DCC: variants seen among roughly 807,000 people sequenced by gnomAD.
The protein encoded by DCC is netrin receptor DCC.
A neutral mutation model predicts 172.5 loss-of-function variants in DCC; 58 were observed. That is an observed-to-expected ratio of 0.34 (90% CI 0.27 to 0.42). The LOEUF (loss-of-function observed/expected upper bound fraction) is 0.42. DCC is among the 10% of genes least tolerant of loss of function. The pLI is 1.00. For missense variants in DCC, 1,740 were observed against 1,791.0 expected (o/e 0.97, Z 0.51); for synonymous variants, 709 against 644.5 (o/e 1.10, Z -1.52).
intron 1 of DCC, among the ~76,000 whole-genome samples, chr18:52,664,470 C>CTTTTTTT (rs74178680): frequency 0.011 from 1,064 of 99,696 alleles, 12 homozygotes; most frequent in Non-Finnish European, 0.012. Context: ...TTTTCTTTTT[C>CTTTTTTT]TTTTTCTTTT....
chr18:52,720,411 T>A (rs1035191842), intron 1 of DCC, among the ~76,000 whole-genome samples: 1 of 152,236 alleles, frequency 6.6e-6, no homozygotes, highest in Non-Finnish European at 1.5e-5. Context: ...CAGATGAGCA[T>A]GTGCTAACAT....
At chr18:52,871,541 G>A (rs942195800) in intron 2 of DCC, among the ~76,000 whole-genome samples, 24 of 152,188 alleles carry the variant, frequency 1.6e-4, no homozygotes, top group African/African-American at 5.1e-4. Flanking sequence ...ATAGTTCACT[G>A]CCACCTTGAA....
At chr18:52,609,081 T>C (rs2034196171) in intron 1 of DCC, among the ~76,000 whole-genome samples, 1 of 152,188 alleles carries the variant, frequency 6.6e-6, no homozygotes, top group South Asian at 2.1e-4. Context: ...GACATATTAC[T>C]TGTAAATGTA....
chr18:52,696,156 A>G (rs896563042), intron 1 of DCC, among the ~76,000 whole-genome samples: 4 of 152,230 alleles, frequency 2.6e-5, no homozygotes, highest in African/African-American at 9.6e-5. Context: ...TTTAATGAAT[A>G]TGGTCTTTAA....
intron 5 of DCC, among the ~76,000 whole-genome samples, chr18:53,038,240 A>G (rs2042121728): frequency 6.6e-6 from 1 of 152,018 alleles, no homozygotes; most frequent in Non-Finnish European, 1.5e-5. Context: ...TTGATATTTG[A>G]TACCTTAGAA....
At chr18:53,041,380 GT>G (rs1425161767) in intron 5 of DCC, among the ~76,000 whole-genome samples, 5 of 152,036 alleles carry the variant, frequency 3.3e-5, no homozygotes, top group African/African-American at 1.2e-4. Context: ...TTATATATCT[GT>G]TTTGGTACCA....
At chr18:52,442,922 C>T (rs368578762) in intron 1 of DCC, among the ~76,000 whole-genome samples, 9 of 152,188 alleles carry the variant, frequency 5.9e-5, no homozygotes, top group African/African-American at 2.2e-4. Flanking sequence ...CTCCAACCCC[C>T]ACATGAAGAG....
intron 21 of DCC, among the ~76,000 whole-genome samples, chr18:53,425,633 A>G (rs1910886175): frequency 6.6e-6 from 1 of 151,992 alleles, no homozygotes. Flanking sequence ...AAGTGCTGGG[A>G]TTACAGGAAT....
chr18:53,305,871 T>G (rs1284687491), intron 13 of DCC, 152 bp downstream of exon 13: 2 of 738,422 alleles, frequency 2.7e-6, no homozygotes, highest in African/African-American at 3.5e-5. Context: ...CCTTTATATT[T>G]TTAACTTTAC....
chr18:52,739,514 G>C (rs558138494), intron 1 of DCC, among the ~76,000 whole-genome samples: 1 of 152,274 alleles, frequency 6.6e-6, no homozygotes, highest in Admixed American at 6.5e-5. Context: ...AGGAAGATCA[G>C]AGCCACAAGA....
chr18:52,540,597 CTTTTTTTTTTTT>C (rs71175505), intron 1 of DCC, among the ~76,000 whole-genome samples: 64 of 67,482 alleles, frequency 9.5e-4, no homozygotes, highest in Non-Finnish European at 1.3e-3. Flanking sequence ...ATTCAACTGC[CTTTTTTTTTTTT>C]TTTTTTTTTT....
chr18:52,569,232 G>A (rs563809681), intron 1 of DCC, among the ~76,000 whole-genome samples: 1 of 152,324 alleles, frequency 6.6e-6, no homozygotes, highest in African/African-American at 2.4e-5. Context: ...CCCAAGCTAT[G>A]GAGTAAGACA....
intron 1 of DCC, among the ~76,000 whole-genome samples, chr18:52,565,169 A>T (rs1243277829): frequency 1.3e-5 from 2 of 151,928 alleles, no homozygotes; most frequent in African/African-American, 2.4e-5. Context: ...AACAAATAAA[A>T]CCCTGTCTCT....
chr18:53,390,977 C>A (rs1010292564), intron 16 of DCC, among the ~76,000 whole-genome samples: 2 of 152,102 alleles, frequency 1.3e-5, no homozygotes, highest in Non-Finnish European at 2.9e-5. Flanking sequence ...CCTGACAAAC[C>A]AGGTGCTGTC....
chr18:53,526,920 G>A, intron 28 of DCC, 161 bp downstream of exon 28: 1 of 718,920 alleles, frequency 1.4e-6, no homozygotes, highest in Non-Finnish European at 2.4e-6. Context: ...ACTTAAATAT[G>A]AAGAGGAAAT....
chr18:53,454,107 G>A (rs1037955186), intron 23 of DCC, among the ~76,000 whole-genome samples: 1 of 152,100 alleles, frequency 6.6e-6, no homozygotes, highest in Non-Finnish European at 1.5e-5. Flanking sequence ...CAGCCTTTTG[G>A]GAGGCCAAGA....
Position 53,309,922 on chromosome 18 carries a change from G to GTATA in DCC, c.2053+4222_2053+4225dup, listed in dbSNP as rs5825006. 4.9e-3 allele frequency among the ~76,000 whole-genome samples: 608 copies of GTATA among 123,492 alleles called. 1 individual carries two copies. The highest frequency in any genetic ancestry group is 8.7e-3 in the South Asian group (31 of 3,576). 81.0% of individuals were successfully genotyped at this position (123,492 alleles called of 152,430 possible). A position where few individuals can be genotyped will look rare whatever the true frequency, so the allele number is the denominator to read the frequency against. ...ATTTACTGCAAACATATATGTGCGT[G>GTATA]TATATATATATATATATATATACAT... On this transcript the variant is annotated intron_variant, in intron 13 of 28. Transcript: ENST00000442544.
At chr18:52,440,153 C>T (rs1987930001) in intron 1 of DCC, among the ~76,000 whole-genome samples, 1 of 152,146 alleles carries the variant, frequency 6.6e-6, no homozygotes, top group South Asian at 2.1e-4. Context: ...TCTCAGTAGA[C>T]CCCAATTTGA....
chr18:53,406,731 AGAAAAAAAG>A (rs1909688729), intron 19 of DCC, among the ~76,000 whole-genome samples: 2 of 55,724 alleles, frequency 3.6e-5, no homozygotes, highest in African/African-American at 7.8e-5. Flanking sequence ...GAAAGAAAAA[AGAAAAAAAG>A]TACAGGTACA....
Sources: allele counts gnomAD v4.1 joint callset (sites outside exome capture counted in the v4.1 genomes callset), GRCh38; gene constraint gnomAD v4.1.1; transcripts MANE v1.5; gene names NCBI Gene and HGNC (gene_info 2026-07-23, HGNC 2026-07-21).